Variants in SYNE1 observed in about 807,000 individuals in gnomAD.
SYNE1 encodes the protein spectrin repeat containing nuclear envelope protein 1.
SYNE1 carries 616 observed loss-of-function variants against 1,111.0 expected under a neutral mutation model. The observed-to-expected ratio is 0.55, with a 90% CI of 0.52 to 0.59. The LOEUF (loss-of-function observed/expected upper bound fraction) is 0.59, where lower values mean the gene tolerates loss of function less well. Ranked by LOEUF, SYNE1 falls within the 20% of genes least tolerant of loss-of-function variation. The probability of loss-of-function intolerance (pLI) is 0.00; values close to 1 mark genes in which losing one functional copy is unlikely to be tolerated. For missense variants in SYNE1, 10,006 were observed against 10,417.0 expected (o/e 0.96, Z 1.72); for synonymous variants, 3,855 against 3,825.8 (o/e 1.01, Z -0.28).
intron 20 of SYNE1, 96 bp from the exon 21 acceptor site, chr6:152,461,836 G>T: frequency 6.6e-7 from 1 of 1,521,004 alleles, no homozygotes; most frequent in Non-Finnish European, 9.1e-7. Flanking sequence ...AATATGCACT[G>T]TATAAAATCC....
intron 14 of SYNE1, 132 bp from the exon 15 acceptor site, chr6:152,472,545 G>T (rs1340198835): frequency 6.0e-6 from 5 of 831,052 alleles, no homozygotes; most frequent in African/African-American, 3.4e-5. Flanking sequence ...TTCAGAGGCA[G>T]CTTGGTGCCT....
At chr6:152,504,950 T>G (rs2099049832) in intron 9 of SYNE1, among the ~76,000 whole-genome samples, 1 of 152,190 alleles carries the variant, frequency 6.6e-6, no homozygotes, top group Non-Finnish European at 1.5e-5. Flanking sequence ...TTAAGTATAT[T>G]AAGTCCAGTT....
In SYNE1 at chr6:152,409,666, G is replaced by C. The variant is rs1457358815; in HGVS notation, c.6274C>G (p.Gln2092Glu). The stretch of plus-strand genomic sequence containing the variant: ...TTAGATACAGCTGATTTCAGGTTCT[G>C]ATATTCTCTCATTAAGTCAATAAGT... The part of the protein sequence containing the change: ...CGLIDLMREY[Q>E]NLKSAVSKVL... Residue 2092 changes from glutamine (Q) to glutamate (E), a missense_variant, in exon 43 of 146, where the codon CAG (glutamine) becomes GAG (glutamate). By Grantham distance (29) the Gln-to-Glu change is conservative (BLOSUM62 2). This residue lies in a region of SYNE1 where 4,955 missense variants were observed against 5,017.2 expected (regional missense o/e 0.99). Transcript: ENST00000367255. The C allele has an allele frequency of 6.2e-7, 1 of 1,613,662 alleles. No homozygotes were observed. The highest frequency in any genetic ancestry group is 1.3e-5 in the African/African-American group (1 of 74,894).
Position 152,483,178 on chromosome 6 carries a change from G to A in SYNE1, c.1257C>T (p.Tyr419=), listed in dbSNP as rs1479058078. The part of the protein sequence containing the change: ...APLGTIGAWL[Y]RAEVALREEI... Reference sequence around the variant, plus strand: ...CCTCTCTCAGGGCCACCTCCGCTCTGTACAGCCAGGCACCTATGGTGCCCA... The same window carrying A: ...CCTCTCTCAGGGCCACCTCCGCTCTATACAGCCAGGCACCTATGGTGCCCA... The change falls in exon 14 of 146, where the codon TAC becomes TAT. Residue 419 remains tyrosine, a synonymous_variant. Transcript: ENST00000367255. The A allele has an allele frequency of 3.1e-6, 5 of 1,614,064 alleles. No homozygotes were observed. In the Admixed American group the frequency reaches 8.3e-5, roughly 27 times the overall value.
chr6:152,363,311 A>T (rs868283588), intron 63 of SYNE1, among the ~76,000 whole-genome samples: 1 of 147,392 alleles, frequency 6.8e-6, no homozygotes, highest in Non-Finnish European at 1.5e-5. Context: ...TGGCTAACAC[A>T]GTGAAACCCC....
chr6:152,305,359 A>G (rs952776513), intron 91 of SYNE1, among the ~76,000 whole-genome samples: 1 of 152,056 alleles, frequency 6.6e-6, no homozygotes, highest in African/African-American at 2.4e-5. Context: ...TCCACCTCCC[A>G]GGTTCAAGCG....
intron 42 of SYNE1, among the ~76,000 whole-genome samples, chr6:152,412,172 A>G (rs1429232117): frequency 6.6e-6 from 1 of 152,166 alleles, no homozygotes; most frequent in East Asian, 1.9e-4. Flanking sequence ...CTGTAATCCT[A>G]GCACTTTGGG....
At chr6:152,476,069 C>T (rs1199078850) in intron 14 of SYNE1, among the ~76,000 whole-genome samples, 1 of 152,122 alleles carries the variant, frequency 6.6e-6, no homozygotes, top group East Asian at 1.9e-4. Flanking sequence ...AGTCCTTGGT[C>T]CCTTTCTCTT....
In SYNE1 at chr6:152,218,153, C is replaced by G. The variant is rs572124738; in HGVS notation, c.22191+104G>C. 2.2e-6 allele frequency: 3 copies of G among 1,357,044 alleles called. No individual in the cohort carries two copies. The African/African-American group carries it at 4.3e-5, about 19-fold the overall frequency. The allele number at this position is 1,357,044 out of a possible 1,614,324, so 84.1% of individuals were successfully genotyped here. A position where few individuals can be genotyped will look rare whatever the true frequency, so the allele number is the denominator to read the frequency against. The stretch of plus-strand genomic sequence containing the variant: ...GTTGCAGTGAGCCGAGATCACACCA[C>G]GGCACTCCAGCTTGGGCGACAGAGT... On this transcript the variant is annotated intron_variant, in intron 121 of 145. Transcript: ENST00000367255.
intron 135 of SYNE1, among the ~76,000 whole-genome samples, chr6:152,150,767 T>C (rs1225594293): frequency 2.0e-5 from 3 of 152,152 alleles, no homozygotes; most frequent in Admixed American, 1.3e-4. Context: ...TAGTGAAAAA[T>C]ACAAAATGTG....
intron 14 of SYNE1, chr6:152,481,166 A>T: frequency 4.8e-6 from 1 of 209,522 alleles, no homozygotes; most frequent in Non-Finnish European, 9.8e-6. Context: ...ATTGTCTGGC[A>T]TTTTCTCTGT....
At chr6:152,156,455 T>G (rs2061389150) in intron 131 of SYNE1, among the ~76,000 whole-genome samples, 1 of 152,212 alleles carries the variant, frequency 6.6e-6, no homozygotes, top group Admixed American at 6.5e-5. Flanking sequence ...TCTCTTAGTA[T>G]CTGTCAGGGG....
intron 3 of SYNE1, among the ~76,000 whole-genome samples, chr6:152,556,303 G>A (rs1470485559): frequency 6.6e-6 from 1 of 152,172 alleles, no homozygotes; most frequent in Non-Finnish European, 1.5e-5. Context: ...TCCCAAGCCT[G>A]TACTGCATAC....
chr6:152,186,349 G>A (rs2069915938), intron 128 of SYNE1, among the ~76,000 whole-genome samples: 1 of 151,968 alleles, frequency 6.6e-6, no homozygotes, highest in African/African-American at 2.4e-5. Flanking sequence ...CTGGGGTCGG[G>A]AGTTGGAGAC....
chr6:152,220,384 G>C (rs181365142), intron 119 of SYNE1, among the ~76,000 whole-genome samples: 1 of 152,160 alleles, frequency 6.6e-6, no homozygotes, highest in African/African-American at 2.4e-5. Flanking sequence ...ATTAAAAGAA[G>C]TATACCAGTA....
intron 124 of SYNE1, 126 bp from the exon 125 acceptor site, chr6:152,208,332 A>G (rs536540933): frequency 4.9e-6 from 4 of 815,064 alleles, no homozygotes; most frequent in South Asian, 2.9e-5. Flanking sequence ...TGGTTTTTGA[A>G]TATCATGCCA....
At position 152,142,246 on chromosome 6, in the gene SYNE1, C is replaced by T. The variant is rs1288061722; in HGVS notation, c.25120-917G>A. ...ATGACTCAAAACAGATTAAACCAAT[C>T]TGCAATTTAAAACTCGGAGCCCTCA... On this transcript the variant is annotated intron_variant, in intron 138 of 145. Transcript: ENST00000367255. Among the ~76,000 whole-genome samples, 3 of 152,162 alleles carry T rather than the reference C, an allele frequency of 2.0e-5. No homozygotes were observed. The East Asian group carries it at 5.8e-4, about 29-fold the overall frequency.
intron 62 of SYNE1, among the ~76,000 whole-genome samples, chr6:152,366,379 T>C (rs2097079747): frequency 6.6e-6 from 1 of 152,024 alleles, no homozygotes; most frequent in African/African-American, 2.4e-5. Flanking sequence ...ACTTGGTTTA[T>C]AGCAGGGCGC....
intron 11 of SYNE1, among the ~76,000 whole-genome samples, chr6:152,493,062 C>T (rs2098979789): frequency 6.6e-6 from 1 of 152,104 alleles, no homozygotes; most frequent in Non-Finnish European, 1.5e-5. Flanking sequence ...TCAAAACCTC[C>T]TTCATGTCTT....
Sources: gnomAD v4.1 joint callset for allele counts (sites outside exome capture counted in the v4.1 genomes callset) on GRCh38, gnomAD v4.1.1 for gene constraint, gnomAD v4.1.1 regional missense constraint, MANE v1.5 for transcripts, NCBI Gene and HGNC (gene_info 2026-07-23, HGNC 2026-07-21) for gene names.